SMAP2: variants seen among roughly 807,000 people sequenced by gnomAD.
SMAP2 encodes the protein small ArfGAP2, also known as stromal membrane-associated protein 2.
Under a neutral mutation model 56.4 loss-of-function variants are expected in SMAP2, and 25 were observed. The ratio of observed to expected loss-of-function variants is 0.44; its 90% CI spans 0.32 to 0.62. The LOEUF is 0.62. Ranked by LOEUF, SMAP2 falls within the 20% of genes least tolerant of loss-of-function variation. SMAP2 has a pLI of 0.04. For missense variants in SMAP2, 388 were observed against 545.6 expected (o/e 0.71, Z 2.88); for synonymous variants, 157 against 181.7 (o/e 0.86, Z 1.09).
In SMAP2 at chr1:40,422,046, G is replaced by A. The variant is rs1171255005; in HGVS notation, c.1235G>A (p.Ser412Asn). The change falls in exon 10 of 10, where the codon AGT becomes AAT. Residue 412 changes from serine to asparagine, a missense_variant. Physicochemically the swap from Ser to Asn is conservative, Grantham distance 46 (BLOSUM62 1). Transcript: ENST00000372718. The part of the protein sequence containing the change: ...NGMMNYGQSM[S>N]GGNGQAANQT... ...ATGATGAACTATGGACAGTCAATGA[G>A]TGGCGGAAATGGACAGGCAGCAAAT... 5 of 1,614,044 alleles carry A rather than the reference G, an allele frequency of 3.1e-6. No homozygotes were observed. In the Admixed American group the frequency reaches 8.3e-5, roughly 27 times the overall value.
intron 1 of SMAP2, among the ~76,000 whole-genome samples, chr1:40,360,575 T>C (rs2124175417): frequency 6.6e-6 from 1 of 152,316 alleles, no homozygotes; most frequent in South Asian, 2.1e-4. Flanking sequence ...AGTGCTGGGA[T>C]TACAGGCATG....
At chr1:40,414,009 C>T (rs1043050527) in intron 5 of SMAP2, 150 bp from the exon 6 acceptor site, 1 of 655,176 alleles carries the variant, frequency 1.5e-6, no homozygotes, top group Non-Finnish European at 2.6e-6. Context: ...TTGATTCTTT[C>T]ACCTAATACT....
intron 1 of SMAP2, among the ~76,000 whole-genome samples, chr1:40,387,594 G>A (rs1644669781): frequency 6.8e-6 from 1 of 146,186 alleles, no homozygotes; most frequent in Non-Finnish European, 1.5e-5. Flanking sequence ...TTCCCCATAA[G>A]GGACCTAAGG....
intron 5 of SMAP2, 30 bp from the exon 6 acceptor site, chr1:40,414,129 A>C (rs775274381): frequency 8.7e-6 from 14 of 1,607,296 alleles, no homozygotes; most frequent in Middle Eastern, 1.6e-4. Flanking sequence ...CCACCTGCTT[A>C]TTTCTTGCTA....
rs1232540762 is a variant in SMAP2 at position 40,415,322 on chromosome 1, G to C, written c.622G>C (p.Glu208Gln). 1 of 1,614,030 alleles carries C rather than the reference G, an allele frequency of 6.2e-7. No individual in the cohort carries two copies. Among genetic ancestry groups the C allele is most frequent in the Non-Finnish European group, 8.5e-7 (1 of 1,179,880 alleles). Residue 208 changes from glutamate (E) to glutamine (Q), a missense_variant, in exon 7 of 10, where the codon GAG (glutamate) becomes CAG (glutamine). Glu to Gln is a conservative substitution (Grantham distance 29). Coordinates refer to ENST00000372718, the MANE Select transcript of SMAP2 (RefSeq NM_022733.3). Reference sequence around the variant, plus strand: ...AAATAGTAAGACCAGCAATACCCTAGAGAAGGATTTAGATCTGTTGGCCTC... The same window carrying C: ...AAATAGTAAGACCAGCAATACCCTACAGAAGGATTTAGATCTGTTGGCCTC... ...IANSKTSNTL[E>Q]KDLDLLASVP...
At chr1:40,371,844 T>C, upstream of SMAP2, among the ~76,000 whole-genome samples, 1 of 152,214 alleles carries the variant, frequency 6.6e-6, no homozygotes, top group East Asian at 1.9e-4. Context: ...CTCATAATAA[T>C]CTTGTGAAAT....
At chr1:40,411,842 A>C (rs1644938923) in intron 4 of SMAP2, among the ~76,000 whole-genome samples, 1 of 152,208 alleles carries the variant, frequency 6.6e-6, no homozygotes, top group African/African-American at 2.4e-5. Context: ...GAGAAAATGA[A>C]AATTAAAGTG....
intron 7 of SMAP2, 46 bp downstream of exon 7, chr1:40,415,427 G>T: frequency 7.8e-7 from 1 of 1,276,134 alleles, no homozygotes; most frequent in East Asian, 2.3e-5. Flanking sequence ...TCTGAAATGG[G>T]TGATTTTGAT....
intron 1 of SMAP2, among the ~76,000 whole-genome samples, chr1:40,354,327 T>TTTTG (rs916083964): frequency 9.9e-5 from 15 of 151,930 alleles, no homozygotes; most frequent in African/African-American, 2.4e-4. Flanking sequence ...GATTGTGAGT[T>TTTTG]TTTGTTTGTT....
At chr1:40,379,934 G>A (rs1218455643) in intron 1 of SMAP2, among the ~76,000 whole-genome samples, 1 of 152,212 alleles carries the variant, frequency 6.6e-6, no homozygotes, top group Non-Finnish European at 1.5e-5. Flanking sequence ...GGAAGAGTCT[G>A]TAGACTTGGT....
chr1:40,399,194 G>T (rs1390025844), intron 1 of SMAP2, among the ~76,000 whole-genome samples: 1 of 151,962 alleles, frequency 6.6e-6, no homozygotes, highest in Non-Finnish European at 1.5e-5. Flanking sequence ...GCCCAGGCTG[G>T]AGTGCAGTGG....
chr1:40,415,902 G>T (rs1644982055), intron 7 of SMAP2, among the ~76,000 whole-genome samples: 1 of 152,110 alleles, frequency 6.6e-6, no homozygotes, highest in African/African-American at 2.4e-5. Flanking sequence ...GCTACACTGG[G>T]GTCTAAACTC....
chr1:40,414,985 A>G lies in SMAP2; in HGVS notation c.572-287A>G, dbSNP rs2982511. Among the ~76,000 whole-genome samples, 7,491 of 152,230 alleles carry G rather than the reference A, an allele frequency of 0.049. 627 individuals are homozygous for G. The highest frequency in any genetic ancestry group is 0.17 in the African/African-American group (7,130 of 41,502). Reference sequence around the variant, plus strand: ...CCCTCCTCCATACCTTGCCCTTCAAATAGCCAGAAGGGAGCCAGCCAGCCC... The same window carrying G: ...CCCTCCTCCATACCTTGCCCTTCAAGTAGCCAGAAGGGAGCCAGCCAGCCC... On this transcript the variant is annotated intron_variant, in intron 6 of 9. Coordinates refer to ENST00000372718, the MANE Select transcript of SMAP2 (RefSeq NM_022733.3).
intron 1 of SMAP2, among the ~76,000 whole-genome samples, chr1:40,397,253 G>A (rs940722194): frequency 6.6e-6 from 1 of 152,146 alleles, no homozygotes; most frequent in East Asian, 1.9e-4. Flanking sequence ...AGAAAGAACT[G>A]TAGGGCTCAT....
At position 40,387,822 on chromosome 1, in the gene SMAP2, C is replaced by T. The variant is rs1644673497; in HGVS notation, c.103+13599C>T. Among the ~76,000 whole-genome samples the T allele has an allele frequency of 1.3e-5, 2 of 149,434 alleles. 1 individual carries two copies. Among genetic ancestry groups the T allele is most frequent in the South Asian group, 4.2e-4 (2 of 4,728 alleles). ...CTTCCTGGGCTGGCCGAGGCCGGAGCTGGCTCCCTCGGCTTGCGGGGAGGT... is the reference window on the plus strand; with the variant it reads ...CTTCCTGGGCTGGCCGAGGCCGGAGTTGGCTCCCTCGGCTTGCGGGGAGGT... On this transcript the variant is annotated intron_variant, in intron 1 of 9. Transcript: ENST00000372718.
At chr1:40,347,311 G>A (rs1463219735) in intron 1 of SMAP2, among the ~76,000 whole-genome samples, 1 of 149,274 alleles carries the variant, frequency 6.7e-6, no homozygotes, top group African/African-American at 2.5e-5. Flanking sequence ...GGCTGGTCTC[G>A]AACTCTTGAC....
rs938383365 is a variant in SMAP2, at chr1:40,406,732, A to C, written c.104-4A>C. 20 of 1,611,468 alleles carry C rather than the reference A, an allele frequency of 1.2e-5. No homozygotes were observed. Among genetic ancestry groups the C allele is most frequent in the Non-Finnish European group, 1.6e-5 (19 of 1,178,338 alleles). ...CTTTATTGCCCTGTTCCTGACTTTC[A>C]CAGGGCCGCGATGGGCCTCTTGGAA... On this transcript the variant is annotated splice_polypyrimidine_tract_variant and splice_region_variant and intron_variant, in intron 1 of 9. Coordinates refer to ENST00000372718, the MANE Select transcript of SMAP2 (RefSeq NM_022733.3).
chr1:40,384,668 T>G (rs187839787), intron 1 of SMAP2, among the ~76,000 whole-genome samples: 2 of 152,246 alleles, frequency 1.3e-5, no homozygotes, highest in Non-Finnish European at 2.9e-5. Flanking sequence ...TAAAGGACTC[T>G]CGTTGTTTGA....
At position 40,404,088 on chromosome 1, in the gene SMAP2, A is replaced by G. The variant is rs114659813; in HGVS notation, c.104-2648A>G. Reference sequence around the variant, plus strand: ...ATTCCAGCCTGGGCAACAGAGTGAGAGACCCTGTCTGTAAAGAATAAAATG... The same window carrying G: ...ATTCCAGCCTGGGCAACAGAGTGAGGGACCCTGTCTGTAAAGAATAAAATG... On this transcript the variant is annotated intron_variant, in intron 1 of 9. Transcript: ENST00000372718. 9.9e-3 allele frequency among the ~76,000 whole-genome samples: 1,509 copies of G among 152,336 alleles called. 26 individuals carry two copies. The highest frequency in any genetic ancestry group is 0.033 in the African/African-American group (1,362 of 41,564).
Sources: allele counts gnomAD v4.1 joint callset (sites outside exome capture counted in the v4.1 genomes callset), GRCh38; gene constraint gnomAD v4.1.1; transcripts MANE v1.5; gene names NCBI Gene and HGNC (gene_info 2026-07-23, HGNC 2026-07-21).